MIEF1: variants seen among roughly 807,000 people sequenced by gnomAD.
The protein encoded by MIEF1 is mitochondrial dynamics protein MIEF1.
In MIEF1, 14 loss-of-function variants were observed where a neutral mutation model predicts 35.1. The observed-to-expected ratio is 0.40, with a 90% CI of 0.26 to 0.62. The LOEUF (loss-of-function observed/expected upper bound fraction) is 0.62, where lower values mean the gene tolerates loss of function less well. Among genes scored for constraint, MIEF1 ranks in the 20% least tolerant of loss-of-function variants. MIEF1 has a pLI of 0.43. For synonymous variants in MIEF1, 245 were observed against 254.3 expected, an observed-to-expected ratio of 0.96 and a Z score of 0.35; for missense variants, 542 against 615.4, an observed-to-expected ratio of 0.88 and a Z score of 1.26.
intron 5 of MIEF1, 52 bp downstream of exon 5, chr22:39,512,546 T>C (rs1161407235): frequency 1.3e-6 from 2 of 1,563,850 alleles, no homozygotes; most frequent in South Asian, 2.4e-5. Flanking sequence ...AGCACCATAG[T>C]GTTGTTGGCA....
intron 4 of MIEF1, 25 bp from the exon 5 acceptor site, chr22:39,512,207 G>A (rs772464186): frequency 8.1e-6 from 13 of 1,605,426 alleles, no homozygotes; most frequent in East Asian, 2.2e-5. Context: ...CAGAGCTCAC[G>A]TGCCTCTCTC....
chr22:39,512,603 T>C, intron 5 of MIEF1, 109 bp downstream of exon 5: 1 of 1,394,220 alleles, frequency 7.2e-7, no homozygotes. Context: ...TCTTACAGCT[T>C]CCGAATCCTG....
chr22:39,512,304 G>T lies in MIEF1; in HGVS notation c.395G>T (p.Arg132Leu), dbSNP rs368491896. Residue 132 changes from arginine (R) to leucine (L), a missense_variant, in exon 5 of 6, where the codon CGC becomes CTC. Coordinates refer to ENST00000325301, the MANE Select transcript of MIEF1 (RefSeq NM_019008.6). ...GQVDLKKSRLRMSLQEKLLTY... is the reference protein window; with the variant it reads ...GQVDLKKSRLLMSLQEKLLTY... ...GTAGACTTGAAGAAGTCACGACTCC[G>T]CATGTCCCTGCAGGAGAAACTTCTT... The T allele has an allele frequency of 6.2e-7, 1 of 1,614,120 alleles. No homozygotes were observed. The highest frequency in any genetic ancestry group is 2.2e-5 in the East Asian group (1 of 44,880).
chr22:39,517,921 C>T lies in MIEF1; in HGVS notation c.*3598C>T, dbSNP rs1261721889. ...CTTGCCTTCTAGTCACTTGCCTGCC[C>T]GCAGTGGTGGTGGATGTGTTAGCTG... On this transcript the variant is annotated 3_prime_UTR_variant, in exon 6 of 6. Coordinates refer to ENST00000325301, the MANE Select transcript of MIEF1 (RefSeq NM_019008.6). The T allele has an allele frequency of 3.1e-5, 7 of 222,830 alleles. No individual in the cohort carries two copies. Among genetic ancestry groups the T allele is most frequent in the Admixed American group, 2.2e-4 (4 of 18,380 alleles). 13.8% of individuals were successfully genotyped at this position (222,830 alleles called of 1,614,324 possible).
chr22:39,500,986 C>T (rs989629098), upstream of MIEF1, among the ~76,000 whole-genome samples: 9 of 152,172 alleles, frequency 5.9e-5, no homozygotes, highest in African/African-American at 9.7e-5. Context: ...CGTGAGCCAC[C>T]GTGCCCAGCC....
chr22:39,513,411 C>A, intron 5 of MIEF1, 106 bp from the exon 6 acceptor site: 1 of 1,221,112 alleles, frequency 8.2e-7, no homozygotes, highest in Non-Finnish European at 1.1e-6. Context: ...GCCTAGAGTT[C>A]CCATTCTTGC....
rs546593967 is a variant in MIEF1, at chr22:39,504,340, G to A, written c.-202G>A. Reference sequence around the variant, plus strand: ...GACTTCTACTTTGCCTCCATCCGCCGTGAATTCCGAAAAAATCAGAAGCTA... The same window carrying A: ...GACTTCTACTTTGCCTCCATCCGCCATGAATTCCGAAAAAATCAGAAGCTA... On this transcript the variant is annotated 5_prime_UTR_variant, in exon 2 of 6. The change creates a new upstream start codon in the 5' untranslated region. Transcript: ENST00000325301. The A allele has an allele frequency of 2.3e-5, 9 of 398,928 alleles. No homozygotes were observed. In the South Asian group the frequency reaches 6.4e-4, roughly 28 times the overall value. 24.7% of individuals were successfully genotyped at this position (398,928 alleles called of 1,614,324 possible).
intron 2 of MIEF1, among the ~76,000 whole-genome samples, chr22:39,507,704 A>G (rs1003391736): frequency 6.6e-6 from 1 of 151,688 alleles, no homozygotes; most frequent in Non-Finnish European, 1.5e-5. Flanking sequence ...TCTCTACTGA[A>G]AATACAAAAA....
rs113098546 is a variant in MIEF1 at position 39,509,160 on chromosome 22, T to C, written c.-7-2128T>C. Among the ~76,000 whole-genome samples the C allele has an allele frequency of 4.6e-3, 694 of 152,302 alleles. 8 individuals are homozygous for C. Among genetic ancestry groups the C allele is most frequent in the African/African-American group, 0.016 (650 of 41,566 alleles). ...TAGTAGAGATGGGGTTTCACTATGT[T>C]GGCCAGGCTGGTCTTGAACTTCCGA... On this transcript the variant is annotated intron_variant, in intron 2 of 5. Coordinates refer to ENST00000325301, the MANE Select transcript of MIEF1 (RefSeq NM_019008.6).
rs958846135 is a variant in MIEF1 at position 39,515,426 on chromosome 22, C to T, written c.*1103C>T. 9 of 693,436 alleles carry T rather than the reference C, an allele frequency of 1.3e-5. No homozygotes were observed. The highest frequency in any genetic ancestry group is 1.2e-4 in the African/African-American group (7 of 56,734). The allele number at this position is 693,436 out of a possible 1,614,324, so 43.0% of individuals were successfully genotyped here. ...CAACAGCCAGCCCTTCATCCTCCAG[C>T]GTCTGCCATAGGAATGTGAGAGGGG... On this transcript the variant is annotated 3_prime_UTR_variant, in exon 6 of 6. Coordinates refer to ENST00000325301, the MANE Select transcript of MIEF1 (RefSeq NM_019008.6).
chr22:39,506,407 C>G (rs1930018632), intron 2 of MIEF1, among the ~76,000 whole-genome samples: 1 of 152,152 alleles, frequency 6.6e-6, no homozygotes, highest in Non-Finnish European at 1.5e-5. Flanking sequence ...AAATCTTGGT[C>G]ACATACTTTA....
Position 39,504,266 on chromosome 22 carries a change from C to CT in MIEF1, c.-275dup. ...GGAGCCGAGAGGCGGTGCTGAGTCT[C>CT]TATCGGGCTCTGTTGCGCCAGGGCC... On this transcript the variant is annotated 5_prime_UTR_variant, in exon 2 of 6. The change creates a premature stop within an existing upstream ORF in the 5' untranslated region. Coordinates refer to ENST00000325301, the MANE Select transcript of MIEF1 (RefSeq NM_019008.6). 1 of 399,158 alleles carries CT rather than the reference C, an allele frequency of 2.5e-6. No homozygotes were observed. The highest frequency in any genetic ancestry group is 4.4e-6 in the Non-Finnish European group (1 of 226,128). 24.7% of individuals were successfully genotyped at this position (399,158 alleles called of 1,614,324 possible).
Position 39,514,374 on chromosome 22 carries a change from TTAGA to T in MIEF1, c.*54_*57del, listed in dbSNP as rs779859266. On this transcript the variant is annotated 3_prime_UTR_variant, in exon 6 of 6. Transcript: ENST00000325301. Reference sequence around the variant, plus strand: ...TGGTGGTCAGGCCCTGGATTCTCCGTTAGATACACTTGGCTACCTAGTTGGTGCC... The same window carrying T: ...TGGTGGTCAGGCCCTGGATTCTCCGTTACACTTGGCTACCTAGTTGGTGCC... 1.3e-5 allele frequency: 21 copies of T among 1,578,004 alleles called. No homozygotes were observed. The African/African-American group carries it at 2.8e-4, about 21-fold the overall frequency.
chr22:39,512,513 T>C lies in MIEF1; in HGVS notation c.585+19T>C, dbSNP rs1930406304. The C allele has an allele frequency of 6.3e-7, 1 of 1,596,178 alleles. No homozygotes were observed. On this transcript the variant is annotated intron_variant, in intron 5 of 5. Transcript: ENST00000325301. ...CCTGCAGGTAACAAGGTGGTTCTCA[T>C]GGTGGGTGGGGTTTGAGTGCTGAGC...
At chr22:39,511,251 C>A in intron 2 of MIEF1, 37 bp from the exon 3 acceptor site, 2 of 1,611,800 alleles carry the variant, frequency 1.2e-6, no homozygotes, top group East Asian at 2.2e-5. Flanking sequence ...TTCTTGGGGT[C>A]CCAGTACTTA....
chr22:39,512,347 G>C lies in MIEF1; in HGVS notation c.438G>C (p.Arg146=). 2 of 1,614,246 alleles carry C rather than the reference G, an allele frequency of 1.2e-6. No homozygotes were observed. The highest frequency in any genetic ancestry group is 2.2e-5 in the East Asian group (1 of 44,888). ...AACTTCTTACTTACTACCGGAACCGGGCAGCCATCCCTGCTGGAGAGCAGG... is the reference window on the plus strand; with the variant it reads ...AACTTCTTACTTACTACCGGAACCGCGCAGCCATCCCTGCTGGAGAGCAGG... ...QEKLLTYYRN[R]AAIPAGEQAR... is the part of the protein sequence containing the mutation. The change falls in exon 5 of 6, where the codon CGG becomes CGC. Residue 146 remains arginine (R), a synonymous_variant. Transcript: ENST00000325301.
rs527545098 is a variant in MIEF1 at position 39,511,566 on chromosome 22, G to A, written c.144+128G>A. 9.2e-5 allele frequency: 126 copies of A among 1,362,730 alleles called. 2 individuals are homozygous for A. In the South Asian group the frequency reaches 2.0e-3, roughly 21 times the overall value. The allele number at this position is 1,362,730 out of a possible 1,614,324, so 84.4% of individuals were successfully genotyped here. On this transcript the variant is annotated intron_variant, in intron 3 of 5. Transcript: ENST00000325301. The stretch of plus-strand genomic sequence containing the variant: ...TCGCAATGATAAGTGAAAAAAACAG[G>A]TTTCAAAAGTATGTATAGAGTGATC...
At chr22:39,505,856 G>A (rs762443331) in intron 2 of MIEF1, among the ~76,000 whole-genome samples, 1 of 152,210 alleles carries the variant, frequency 6.6e-6, no homozygotes, top group Non-Finnish European at 1.5e-5. Context: ...GGCAGGAGGA[G>A]GAGAGAGAAA....
In MIEF1 at chr22:39,504,336, C is replaced by T. The variant is rs909650834; in HGVS notation, c.-206C>T. 25 of 399,048 alleles carry T rather than the reference C, an allele frequency of 6.3e-5. No homozygotes were observed. Among genetic ancestry groups the T allele is most frequent in the African/African-American group, 1.6e-4 (8 of 48,728 alleles). The allele number at this position is 399,048 out of a possible 1,614,324, so 24.7% of individuals were successfully genotyped here. ...TCGAGACTTCTACTTTGCCTCCATC[C>T]GCCGTGAATTCCGAAAAAATCAGAA... On this transcript the variant is annotated 5_prime_UTR_variant, in exon 2 of 6. Coordinates refer to ENST00000325301, the MANE Select transcript of MIEF1 (RefSeq NM_019008.6).
Sources: allele counts gnomAD v4.1 joint callset (sites outside exome capture counted in the v4.1 genomes callset), GRCh38; gene constraint gnomAD v4.1.1; transcripts MANE v1.5; gene names NCBI Gene and HGNC (gene_info 2026-07-23, HGNC 2026-07-21).